Variants in ATRNL1 observed in about 807,000 individuals in gnomAD.
ATRNL1 encodes the protein attractin-like protein 1.
ATRNL1 carries 95 observed loss-of-function variants against 182.7 expected under a neutral mutation model. The observed-to-expected ratio is 0.52, with a 90% confidence interval of 0.44 to 0.62. The LOEUF is 0.62. Among genes scored for constraint, ATRNL1 ranks in the 20% least tolerant of loss-of-function variants. The probability of loss-of-function intolerance (pLI) is 0.00; values close to 1 mark genes in which losing one functional copy is unlikely to be tolerated. For missense variants in ATRNL1, 1,471 were observed against 1,679.5 expected, an observed-to-expected ratio of 0.88 and a Z score of 2.17; for synonymous variants, 576 against 568.3, an observed-to-expected ratio of 1.01 and a Z score of -0.19.
intron 24 of ATRNL1, among the ~76,000 whole-genome samples, chr10:115,518,863 G>A (rs1345192781): frequency 7.5e-6 from 1 of 132,704 alleles, no homozygotes; most frequent in Non-Finnish European, 1.7e-5. Flanking sequence ...TGAATGGTGT[G>A]TAACAAAACA....
At chr10:115,203,745 ATTTTTTTTTTTT>A (rs71476116) in intron 8 of ATRNL1, among the ~76,000 whole-genome samples, 2 of 105,986 alleles carry the variant, frequency 1.9e-5, no homozygotes, top group South Asian at 6.2e-4. Flanking sequence ...ATGCCTGGCT[ATTTTTTTTTTTT>A]TTTTTTTTTT....
rs371896924 is a variant in ATRNL1, at chr10:115,267,004, A to T, written c.1980A>T (p.Thr660=). The T allele has an allele frequency of 6.3e-7, 1 of 1,591,060 alleles. No homozygotes were observed. The highest frequency in any genetic ancestry group is 8.6e-7 in the Non-Finnish European group (1 of 1,165,520). Residue 660 remains threonine (T), a splice_region_variant and synonymous_variant, in exon 12 of 29, where the codon ACA becomes ACT. Transcript: ENST00000355044. ...TTAGAGCAAAGTGCCCTCCTAAAAC[A>T]GGTAAATTTCTTTTTCTTTTCGTCT... The part of the protein sequence containing the change: ...NILRAKCPPK[T]AASDDRCYRY...
intron 25 of ATRNL1, among the ~76,000 whole-genome samples, chr10:115,527,984 C>A (rs1219172977): frequency 4.0e-5 from 1 of 24,996 alleles, no homozygotes; most frequent in Non-Finnish European, 7.5e-5. Flanking sequence ...TTCCCTCCCT[C>A]CCTCCCTCCC....
intron 6 of ATRNL1, among the ~76,000 whole-genome samples, chr10:115,164,691 G>T: frequency 6.6e-6 from 1 of 152,096 alleles, no homozygotes; most frequent in East Asian, 1.9e-4. Context: ...GGATGGAACA[G>T]GAAGTCATTA....
chr10:115,843,525 G>A (rs868948342), intron 27 of ATRNL1, among the ~76,000 whole-genome samples: 8 of 152,078 alleles, frequency 5.3e-5, no homozygotes, highest in Admixed American at 2.0e-4. Flanking sequence ...GATCAGGAAC[G>A]TTGGAGACCT....
At chr10:115,672,139 G>A (rs757539240) in intron 26 of ATRNL1, among the ~76,000 whole-genome samples, 3 of 151,878 alleles carry the variant, frequency 2.0e-5, no homozygotes, top group Admixed American at 6.6e-5. Context: ...CAACAATTAC[G>A]ACTACCATTT....
At chr10:115,789,438 G>A (rs1305363019) in intron 27 of ATRNL1, among the ~76,000 whole-genome samples, 2 of 152,126 alleles carry the variant, frequency 1.3e-5, no homozygotes, top group East Asian at 3.9e-4. Flanking sequence ...GGGATACATA[G>A]CACAAATTAT....
intron 26 of ATRNL1, among the ~76,000 whole-genome samples, chr10:115,708,187 A>G (rs907490182): frequency 6.6e-6 from 1 of 151,782 alleles, no homozygotes. Context: ...AATGGAATTC[A>G]GAGTCCTCTT....
At chr10:115,217,120 C>T (rs2144414262) in intron 9 of ATRNL1, among the ~76,000 whole-genome samples, 1 of 152,158 alleles carries the variant, frequency 6.6e-6, no homozygotes, top group African/African-American at 2.4e-5. Flanking sequence ...CGGAGTTTTA[C>T]TCTTATTGCC....
chr10:115,706,796 T>C (rs1946913804), intron 26 of ATRNL1, among the ~76,000 whole-genome samples: 1 of 151,922 alleles, frequency 6.6e-6, no homozygotes, highest in Non-Finnish European at 1.5e-5. Flanking sequence ...ACTGAAGTTT[T>C]ATCACACTAG....
At chr10:115,545,809 A>G (rs1378154280) in intron 25 of ATRNL1, among the ~76,000 whole-genome samples, 1 of 152,226 alleles carries the variant, frequency 6.6e-6, no homozygotes. Context: ...AACTGTTGAC[A>G]GGATCTGGTA....
In ATRNL1 at chr10:115,948,274, G is replaced by T. The variant is rs1555126496; in HGVS notation, c.*3495G>T. 6.6e-6 allele frequency: 1 copy of T among 152,180 alleles called. No individual in the cohort carries two copies. The highest frequency in any genetic ancestry group is 2.4e-5 in the African/African-American group (1 of 41,458). The allele number at this position is 152,180 out of a possible 1,614,324, so 9.4% of individuals were successfully genotyped here. ...CACCTTTCACGTACAAACTAGGCAA[G>T]ACAGGGTCAGTGCTTACATTTTGTG... On this transcript the variant is annotated 3_prime_UTR_variant, in exon 29 of 29. Coordinates refer to ENST00000355044, the MANE Select transcript of ATRNL1 (RefSeq NM_207303.4).
chr10:115,330,908 A>G lies in ATRNL1; in HGVS notation c.3038-3374A>G, dbSNP rs186856086. ...TTTTATTCTTTTTTGAACACTAATG[A>G]TACACAGATTTGCTCTTTTGACACT... On this transcript the variant is annotated intron_variant, in intron 18 of 28. Transcript: ENST00000355044. Among the ~76,000 whole-genome samples the G allele has an allele frequency of 7.2e-5, 11 of 151,808 alleles. No homozygotes were observed. The East Asian group carries it at 1.9e-3, about 27-fold the overall frequency.
At chr10:115,560,372 C>T (rs1324867590) in intron 26 of ATRNL1, among the ~76,000 whole-genome samples, 1 of 152,116 alleles carries the variant, frequency 6.6e-6, no homozygotes, top group Non-Finnish European at 1.5e-5. Flanking sequence ...GAGAGACCCT[C>T]CCCATGATTC....
At chr10:115,932,899 A>G (rs978419700) in intron 28 of ATRNL1, among the ~76,000 whole-genome samples, 1 of 152,158 alleles carries the variant, frequency 6.6e-6, no homozygotes, top group Non-Finnish European at 1.5e-5. Context: ...CATAAATACT[A>G]TGGAAAATTA....
chr10:115,525,273 A>G (rs1268580722), intron 25 of ATRNL1, among the ~76,000 whole-genome samples: 10 of 152,112 alleles, frequency 6.6e-5, no homozygotes, highest in African/African-American at 2.4e-4. Flanking sequence ...AATAATCCCT[A>G]CAACTCTTTG....
rs55976822 is a variant in ATRNL1 at position 115,530,874 on chromosome 10, T to C, written c.3716+11550T>C. On this transcript the variant is annotated intron_variant, in intron 25 of 28. Coordinates refer to ENST00000355044, the MANE Select transcript of ATRNL1 (RefSeq NM_207303.4). ...ATTCCCACCTATGAGTGAGAACATG[T>C]GGTGTTTGGTTTTTTGTCCTTGCGA... Among the ~76,000 whole-genome samples, 3 of 147,814 alleles carry C rather than the reference T, an allele frequency of 2.0e-5. 1 individual carries two copies. Among genetic ancestry groups the C allele is most frequent in the Non-Finnish European group, 3.0e-5 (2 of 67,150 alleles).
intron 26 of ATRNL1, among the ~76,000 whole-genome samples, chr10:115,645,274 A>C (rs1197719260): frequency 7.3e-6 from 1 of 137,928 alleles, no homozygotes; most frequent in African/African-American, 2.5e-5. Flanking sequence ...TAAGCCCATA[A>C]CTCATTTTTT....
At chr10:115,330,882 T>C (rs182535405) in intron 18 of ATRNL1, among the ~76,000 whole-genome samples, 193 of 152,134 alleles carry the variant, frequency 1.3e-3, no homozygotes, top group African/African-American at 4.4e-3. Flanking sequence ...CCATTTTCAT[T>C]TTTTATTCTT....
Sources: gnomAD v4.1 joint callset for allele counts (sites outside exome capture counted in the v4.1 genomes callset) on GRCh38, gnomAD v4.1.1 for gene constraint, MANE v1.5 for transcripts, NCBI Gene and HGNC (gene_info 2026-07-23, HGNC 2026-07-21) for gene names.